PCDH15: variants seen among roughly 807,000 people sequenced by gnomAD.
PCDH15 encodes protocadherin-15.
A neutral mutation model predicts 178.5 loss-of-function variants in PCDH15; 129 were observed. That is an observed-to-expected ratio of 0.72 (90% CI 0.63 to 0.84). PCDH15 has a LOEUF of 0.84. Among genes scored for constraint, PCDH15 ranks in the 40% least tolerant of loss-of-function variants. The pLI, the probability that PCDH15 is intolerant of heterozygous loss-of-function variation, is 0.00. For synonymous variants in PCDH15, 800 were observed against 732.0 expected (o/e 1.09, Z -1.50); for missense variants, 2,230 against 2,099.9 (o/e 1.06, Z -1.21).
chr10:54,272,713 A>G (rs1490196843), intron 8 of PCDH15, among the ~76,000 whole-genome samples: 1 of 152,020 alleles, frequency 6.6e-6, no homozygotes, highest in African/African-American at 2.4e-5. Flanking sequence ...CCTAAACCAA[A>G]CCAACTCCTT....
chr10:54,496,460 GAA>G (rs537328743), intron 3 of PCDH15, among the ~76,000 whole-genome samples: 1 of 152,128 alleles, frequency 6.6e-6, no homozygotes, highest in Non-Finnish European at 1.5e-5. Flanking sequence ...TGGCACAGTT[GAA>G]AGAGAGAAGC....
intron 5 of PCDH15, among the ~76,000 whole-genome samples, chr10:54,360,415 G>C: frequency 6.6e-6 from 1 of 152,028 alleles, no homozygotes; most frequent in Non-Finnish European, 1.5e-5. Flanking sequence ...GGCAATGTTT[G>C]TTGCCTCAGT....
chr10:53,908,751 C>T (rs1018761287), intron 25 of PCDH15, among the ~76,000 whole-genome samples: 3 of 152,168 alleles, frequency 2.0e-5, no homozygotes, highest in Admixed American at 6.5e-5. Context: ...TGTTACGTAT[C>T]GTTGCCTAAC....
chr10:54,134,668 G>A (rs1485318541), intron 14 of PCDH15, among the ~76,000 whole-genome samples: 1 of 151,120 alleles, frequency 6.6e-6, no homozygotes, highest in Non-Finnish European at 1.5e-5. Flanking sequence ...CAGGAGAATG[G>A]TGTGAACCCA....
intron 1 of PCDH15, among the ~76,000 whole-genome samples, chr10:54,710,215 G>A (rs1354381680): frequency 1.3e-5 from 2 of 151,798 alleles, no homozygotes; most frequent in Non-Finnish European, 2.9e-5. Context: ...TCAAGTGGAC[G>A]ATCATGCAAT....
At chr10:55,231,079 G>A (rs1841204348) in intron 1 of PCDH15, among the ~76,000 whole-genome samples, 1 of 151,896 alleles carries the variant, frequency 6.6e-6, no homozygotes, top group African/African-American at 2.4e-5. Context: ...TAGACAATGA[G>A]GTGAAGAATA....
At chr10:54,322,145 T>C (rs1256910785) in intron 7 of PCDH15, among the ~76,000 whole-genome samples, 1 of 152,012 alleles carries the variant, frequency 6.6e-6, no homozygotes, top group Admixed American at 6.6e-5. Context: ...TTTATAGTAA[T>C]ATACTACTGC....
chr10:55,599,839 CG>C, intron 2 of PCDH15: 1 of 1,035,810 alleles, frequency 9.7e-7, no homozygotes, highest in East Asian at 2.8e-5. Flanking sequence ...TTAAGGGTTG[CG>C]GTATCCTGAA....
At chr10:54,264,123 C>G (rs4579847) in intron 8 of PCDH15, among the ~76,000 whole-genome samples, 109,152 of 151,870 alleles carry the variant, frequency 0.72, 40,184 homozygotes, top group Middle Eastern at 0.77. Flanking sequence ...ACTCGGACTG[C>G]CTTCCCTGCT....
chr10:53,898,052 C>T (rs1255714900), intron 26 of PCDH15, among the ~76,000 whole-genome samples: 54 of 148,594 alleles, frequency 3.6e-4, no homozygotes, highest in African/African-American at 1.1e-3. Flanking sequence ...CTGCAAGCTC[C>T]GCCTCCTGGG....
intron 2 of PCDH15, among the ~76,000 whole-genome samples, chr10:55,058,823 A>G (rs1380919180): frequency 1.3e-5 from 2 of 152,126 alleles, no homozygotes; most frequent in African/African-American, 2.4e-5. Flanking sequence ...CATTCTGCCT[A>G]TTGGATGGAT....
chr10:55,211,744 G>T (rs1840577460), intron 1 of PCDH15, among the ~76,000 whole-genome samples: 1 of 151,994 alleles, frequency 6.6e-6, no homozygotes, highest in Admixed American at 6.6e-5. Context: ...TAGACAAATT[G>T]ACTTAAAGTG....
intron 2 of PCDH15, among the ~76,000 whole-genome samples, chr10:54,962,566 A>G (rs1314995118): frequency 6.6e-6 from 1 of 152,164 alleles, no homozygotes; most frequent in Non-Finnish European, 1.5e-5. Flanking sequence ...TGGGTACCAC[A>G]GTGTTCCCCT....
chr10:55,215,541 A>G (rs554359014), intron 1 of PCDH15, among the ~76,000 whole-genome samples: 11 of 152,208 alleles, frequency 7.2e-5, no homozygotes, highest in African/African-American at 2.4e-4. Context: ...AATGAAAACA[A>G]CACAGGTCAC....
chr10:55,249,343 T>C (rs764882334), intron 1 of PCDH15, among the ~76,000 whole-genome samples: 5 of 152,210 alleles, frequency 3.3e-5, no homozygotes, highest in Non-Finnish European at 7.4e-5. Flanking sequence ...GTGGTTGGAA[T>C]GTATCACTAA....
intron 3 of PCDH15, among the ~76,000 whole-genome samples, chr10:54,880,741 A>C (rs1427474018): frequency 6.7e-6 from 1 of 150,328 alleles, no homozygotes; most frequent in African/African-American, 2.5e-5. Flanking sequence ...ATATTAAATT[A>C]TACATTTCCA....
intron 2 of PCDH15, among the ~76,000 whole-genome samples, chr10:55,112,803 A>G (rs1290662862): frequency 1.3e-5 from 2 of 152,222 alleles, no homozygotes; most frequent in Non-Finnish European, 1.5e-5. Context: ...ACACTTATCA[A>G]TCAAAAGGTA....
chr10:55,148,308 T>C (rs1305542630), intron 2 of PCDH15, among the ~76,000 whole-genome samples: 1 of 151,868 alleles, frequency 6.6e-6, no homozygotes, highest in Non-Finnish European at 1.5e-5. Flanking sequence ...AGTAAGAACA[T>C]TTATTAACTG....
chr10:54,117,734 G>A (rs141551389), intron 15 of PCDH15, among the ~76,000 whole-genome samples: 2 of 152,268 alleles, frequency 1.3e-5, no homozygotes, highest in African/African-American at 4.8e-5. Context: ...GAGATCCACA[G>A]TGGGTGGCTC....
Sources: gnomAD v4.1 joint callset for allele counts (sites outside exome capture counted in the v4.1 genomes callset) on GRCh38, gnomAD v4.1.1 for gene constraint, MANE v1.5 for transcripts, NCBI Gene and HGNC (gene_info 2026-07-23, HGNC 2026-07-21) for gene names.